The following SGCD variants were observed in gnomAD, a reference collection of about 807,000 sequenced individuals.
The protein encoded by SGCD is delta-sarcoglycan.
SGCD carries 18 observed loss-of-function variants against 36.6 expected under a neutral mutation model. The ratio of observed to expected loss-of-function variants is 0.49; its 90% CI spans 0.34 to 0.73. SGCD has a LOEUF of 0.73. SGCD is among the 30% of genes least tolerant of loss of function. The pLI is 0.01. For missense variants in SGCD, 387 were observed against 346.7 expected (o/e 1.12, Z -0.92); for synonymous variants, 133 against 130.6 (o/e 1.02, Z -0.12).
intron 7 of SGCD, 41 bp downstream of exon 7, chr5:156,647,577 G>C: frequency 7.7e-7 from 1 of 1,302,246 alleles, no homozygotes; most frequent in South Asian, 1.3e-5. Context: ...AATGGCTATT[G>C]CCTTGCTCTG....
At chr5:156,024,565 C>T (rs747391089) in intron 1 of SGCD, among the ~76,000 whole-genome samples, 5 of 151,728 alleles carry the variant, frequency 3.3e-5, no homozygotes, top group African/African-American at 9.7e-5. Context: ...TCACTGTGGC[C>T]GAGAATTCAA....
intron 7 of SGCD, among the ~76,000 whole-genome samples, chr5:156,752,292 G>C (rs989969096): frequency 2.6e-5 from 4 of 152,128 alleles, no homozygotes; most frequent in African/African-American, 9.7e-5. Context: ...TGTTACTCCC[G>C]GGGGGAAGGA....
intron 6 of SGCD, among the ~76,000 whole-genome samples, chr5:156,611,479 A>T (rs1761806875): frequency 6.6e-6 from 1 of 152,166 alleles, no homozygotes; most frequent in Admixed American, 6.5e-5. Flanking sequence ...ATTTGCTTGT[A>T]GTCTATTAGA....
chr5:156,647,652 AAGAG>A, intron 7 of SGCD, 116 bp downstream of exon 7: 1 of 269,060 alleles, frequency 3.7e-6, no homozygotes, highest in Non-Finnish European at 5.9e-6. Context: ...CATAAATTGA[AAGAG>A]GTTGGAGAGA....
chr5:156,285,070 A>G (rs1425212910), intron 3 of SGCD, among the ~76,000 whole-genome samples: 1 of 152,222 alleles, frequency 6.6e-6, no homozygotes, highest in Non-Finnish European at 1.5e-5. Flanking sequence ...ACTCCCATTC[A>G]CAATTGCTTC....
At chr5:155,841,034 A>AAAACGGGGGCT in the SGCD span, among the ~76,000 whole-genome samples, 1 of 133,560 alleles carries the variant, frequency 7.5e-6, no homozygotes, top group Admixed American at 8.0e-5. Flanking sequence ...AAAAAAAAAG[A>AAAACGGGGGCT]CTGGGGCACT....
At chr5:155,746,660 A>AGTTCCTGCCCCTGTTTGTAGGAATCTTC in the SGCD span, among the ~76,000 whole-genome samples, 1 of 151,788 alleles carries the variant, frequency 6.6e-6, no homozygotes, top group Non-Finnish European at 1.5e-5. Flanking sequence ...CTGCCCACCT[A>AGTTCCTGCCCCTGTTTGTAGGAATCTTC]GTTCCTGCCC....
the SGCD span, among the ~76,000 whole-genome samples, chr5:155,783,775 C>T: frequency 6.6e-6 from 1 of 152,090 alleles, no homozygotes; most frequent in Non-Finnish European, 1.5e-5. Flanking sequence ...TGGAAGCTCG[C>T]CTAAAGCATT....
At chr5:156,400,385 T>C (rs996210828) in intron 3 of SGCD, among the ~76,000 whole-genome samples, 4 of 152,236 alleles carry the variant, frequency 2.6e-5, no homozygotes, top group African/African-American at 9.6e-5. Flanking sequence ...GACTTGAGGA[T>C]ATGATGACCT....
chr5:155,862,645 TA>T, the SGCD span, among the ~76,000 whole-genome samples: 4 of 152,186 alleles, frequency 2.6e-5, no homozygotes, highest in Admixed American at 1.3e-4. Flanking sequence ...TTCACTTTAT[TA>T]ACTAACTTTT....
intron 4 of SGCD, among the ~76,000 whole-genome samples, chr5:156,524,205 TATAG>T (rs1184346712): frequency 7.6e-6 from 1 of 131,586 alleles, no homozygotes; most frequent in African/African-American, 2.8e-5. Context: ...TATATATATA[TATAG>T]GTCTTTATAT....
At chr5:156,656,342 A>C (rs1200999348) in intron 7 of SGCD, among the ~76,000 whole-genome samples, 2 of 152,142 alleles carry the variant, frequency 1.3e-5, no homozygotes, top group Non-Finnish European at 2.9e-5. Flanking sequence ...TAATATGGAG[A>C]TATGAACCAA....
intron 1 of SGCD, among the ~76,000 whole-genome samples, chr5:155,922,100 T>C (rs1452034812): frequency 1.3e-5 from 2 of 152,226 alleles, no homozygotes; most frequent in Admixed American, 6.5e-5. Context: ...TTTTAGCATT[T>C]GAAAATACTA....
chr5:156,413,197 A>T (rs925757835), intron 3 of SGCD, among the ~76,000 whole-genome samples: 1 of 152,216 alleles, frequency 6.6e-6, no homozygotes, highest in Non-Finnish European at 1.5e-5. Context: ...AAATGCTATA[A>T]CTAAAACCAG....
At chr5:156,671,652 G>T in intron 7 of SGCD, among the ~76,000 whole-genome samples, 1 of 152,150 alleles carries the variant, frequency 6.6e-6, no homozygotes, top group Admixed American at 6.5e-5. Flanking sequence ...TGGGTGGCAG[G>T]CTTCTAGGTA....
chr5:156,249,148 G>C (rs943226080), intron 3 of SGCD, among the ~76,000 whole-genome samples: 1 of 152,204 alleles, frequency 6.6e-6, no homozygotes, highest in Non-Finnish European at 1.5e-5. Flanking sequence ...GCCATGAATG[G>C]TGAGATTATG....
intron 1 of SGCD, among the ~76,000 whole-genome samples, chr5:155,984,895 C>G (rs1473114167): frequency 6.6e-6 from 1 of 152,220 alleles, no homozygotes; most frequent in Non-Finnish European, 1.5e-5. Context: ...CTGTCCCCAA[C>G]TGGACTAAAC....
chr5:156,542,585 T>C (rs1758392572), intron 4 of SGCD, among the ~76,000 whole-genome samples: 1 of 152,200 alleles, frequency 6.6e-6, no homozygotes. Flanking sequence ...CATGTAATGC[T>C]CCTAGTAACT....
chr5:155,890,754 G>A (rs934633860), intron 1 of SGCD, among the ~76,000 whole-genome samples: 1 of 152,122 alleles, frequency 6.6e-6, no homozygotes, highest in Non-Finnish European at 1.5e-5. Flanking sequence ...GGAGTAACAA[G>A]AACTATGGTC....
Sources: allele counts gnomAD v4.1 joint callset (sites outside exome capture counted in the v4.1 genomes callset), GRCh38; gene constraint gnomAD v4.1.1; transcripts MANE v1.5; gene names NCBI Gene and HGNC (gene_info 2026-07-23, HGNC 2026-07-21).